The following SMAP1 variants were observed in gnomAD, a reference collection of about 807,000 sequenced individuals.
SMAP1 encodes small ArfGAP 1.
A neutral mutation model predicts 58.5 loss-of-function variants in SMAP1; 24 were observed. The ratio of observed to expected loss-of-function variants is 0.41; its 90% CI spans 0.30 to 0.58. SMAP1 has a LOEUF of 0.58. Ranked by LOEUF, SMAP1 falls within the 20% of genes least tolerant of loss-of-function variation. SMAP1 has a pLI of 0.29. For missense variants in SMAP1, 563 were observed against 566.3 expected (o/e 0.99, Z 0.06); for synonymous variants, 216 against 196.6 (o/e 1.10, Z -0.82).
At chr6:70,838,986 T>C (rs550937697) in intron 7 of SMAP1, among the ~76,000 whole-genome samples, 3 of 152,230 alleles carry the variant, frequency 2.0e-5, no homozygotes, top group Admixed American at 6.5e-5. Flanking sequence ...TCTGATACTT[T>C]CAGGACAAGG....
At chr6:70,851,459 T>G (rs1771182621) in intron 7 of SMAP1, among the ~76,000 whole-genome samples, 1 of 152,206 alleles carries the variant, frequency 6.6e-6, no homozygotes, top group South Asian at 2.1e-4. Flanking sequence ...ATGACAGATT[T>G]CCCTTTGATG....
rs1365042720 is a variant in SMAP1, at chr6:70,858,174, C to G, written c.1214C>G (p.Pro405Arg). 1 of 1,613,862 alleles carries G rather than the reference C, an allele frequency of 6.2e-7. No homozygotes were observed. Among genetic ancestry groups the G allele is most frequent in the Admixed American group, 1.7e-5 (1 of 60,002 alleles). Residue 405 changes from proline (P) to arginine (R), a missense_variant, in exon 10 of 11, where the codon CCC becomes CGC. Pro to Arg is a moderately radical substitution (Grantham distance 103). This residue lies in a region of SMAP1 where 494 missense variants were observed against 473.8 expected (regional missense o/e 1.04). Transcript: ENST00000370455. ...GGAATGGTGGGACAAATGGGTGCAC[C>G]CCAGAGTAAGTTTGGCCTGCCGCAA... The part of the protein sequence containing the change: ...QGGMVGQMGA[P>R]QSKFGLPQAQ...
intron 2 of SMAP1, among the ~76,000 whole-genome samples, chr6:70,743,725 T>C (rs1765906647): frequency 1.3e-5 from 2 of 152,214 alleles, no homozygotes; most frequent in African/African-American, 2.4e-5. Context: ...TTTAAGTTAA[T>C]TGAGATTCAG....
chr6:70,829,707 C>G (rs955408569), intron 6 of SMAP1, among the ~76,000 whole-genome samples: 1 of 152,076 alleles, frequency 6.6e-6, no homozygotes, highest in Non-Finnish European at 1.5e-5. Flanking sequence ...TTAAAGGAAA[C>G]TGATTATAAA....
At chr6:70,745,387 C>G (rs1184802638) in intron 2 of SMAP1, among the ~76,000 whole-genome samples, 2 of 152,220 alleles carry the variant, frequency 1.3e-5, no homozygotes, top group African/African-American at 4.8e-5. Flanking sequence ...CAGCTTTCTA[C>G]ATATGGCTAG....
chr6:70,706,489 G>T (rs1015355843), intron 1 of SMAP1, among the ~76,000 whole-genome samples: 3 of 152,006 alleles, frequency 2.0e-5, no homozygotes, highest in African/African-American at 7.2e-5. Context: ...CTTTTATCTG[G>T]CTGCTCTCTG....
chr6:70,743,534 A>G (rs941902295), intron 2 of SMAP1, among the ~76,000 whole-genome samples: 4 of 152,226 alleles, frequency 2.6e-5, no homozygotes, highest in Non-Finnish European at 5.9e-5. Context: ...ATAAATTTTC[A>G]TAGTGTCTTG....
chr6:70,857,060 A>T, intron 9 of SMAP1, 30 bp downstream of exon 9: 2 of 1,569,434 alleles, frequency 1.3e-6, no homozygotes, highest in Non-Finnish European at 1.7e-6. Context: ...GCTTTCAGTG[A>T]CATTACTAGA....
chr6:70,798,820 A>G (rs1423317270), intron 6 of SMAP1, 83 bp downstream of exon 6: 1 of 1,073,048 alleles, frequency 9.3e-7, no homozygotes, highest in African/African-American at 1.6e-5. Context: ...CTGGATATTT[A>G]TAATATGTAA....
intron 2 of SMAP1, among the ~76,000 whole-genome samples, chr6:70,736,455 G>C (rs1335474104): frequency 6.6e-6 from 1 of 151,818 alleles, no homozygotes; most frequent in Non-Finnish European, 1.5e-5. Flanking sequence ...AGAATTAACT[G>C]TTGTTTTATA....
At chr6:70,745,889 C>T (rs1766011751) in intron 2 of SMAP1, among the ~76,000 whole-genome samples, 1 of 152,172 alleles carries the variant, frequency 6.6e-6, no homozygotes, top group South Asian at 2.1e-4. Context: ...AGGTCCTTCA[C>T]ATCCCTTGTA....
intron 4 of SMAP1, among the ~76,000 whole-genome samples, chr6:70,776,026 A>G (rs1253301004): frequency 6.6e-6 from 1 of 152,184 alleles, no homozygotes; most frequent in Admixed American, 6.5e-5. Context: ...ACAATCTCCT[A>G]GGATACTAAA....
At chr6:70,741,315 G>A (rs1468442004) in intron 2 of SMAP1, among the ~76,000 whole-genome samples, 1 of 152,210 alleles carries the variant, frequency 6.6e-6, no homozygotes, top group Non-Finnish European at 1.5e-5. Context: ...TGGGAATACA[G>A]GCATTGGGTA....
chr6:70,761,031 G>A (rs2149896771), intron 3 of SMAP1, among the ~76,000 whole-genome samples: 1 of 152,020 alleles, frequency 6.6e-6, no homozygotes, highest in East Asian at 1.9e-4. Context: ...TCTCCTTTGA[G>A]CTTTTCAAAG....
At chr6:70,720,905 G>C (rs1274531141) in intron 1 of SMAP1, among the ~76,000 whole-genome samples, 1 of 152,198 alleles carries the variant, frequency 6.6e-6, no homozygotes, top group Admixed American at 6.5e-5. Flanking sequence ...GAAGGTCTCT[G>C]ACATGGCCTG....
chr6:70,818,223 G>A (rs530344937), intron 6 of SMAP1, among the ~76,000 whole-genome samples: 5 of 148,764 alleles, frequency 3.4e-5, no homozygotes, highest in African/African-American at 5.0e-5. Context: ...GTGAAACCCC[G>A]TCTCTACTAA....
intron 2 of SMAP1, among the ~76,000 whole-genome samples, chr6:70,741,366 G>A (rs985292177): frequency 1.3e-5 from 2 of 152,116 alleles, no homozygotes; most frequent in Non-Finnish European, 2.9e-5. Flanking sequence ...CAAAATGAAG[G>A]AGCCACAGGC....
chr6:70,708,439 C>T (rs372781814), intron 1 of SMAP1, among the ~76,000 whole-genome samples: 5 of 152,138 alleles, frequency 3.3e-5, no homozygotes, highest in East Asian at 1.9e-4. Flanking sequence ...ACATGGGAGT[C>T]CAGATGTCTC....
At chr6:70,686,386 T>C (rs535189103) in intron 1 of SMAP1, among the ~76,000 whole-genome samples, 61 of 152,310 alleles carry the variant, frequency 4.0e-4, no homozygotes, top group African/African-American at 1.5e-3. Flanking sequence ...AAGAAAATTG[T>C]TTGGAATTTG....
Sources: allele counts gnomAD v4.1 joint callset (sites outside exome capture counted in the v4.1 genomes callset), GRCh38; gene constraint gnomAD v4.1.1; regional missense constraint gnomAD v4.1.1; transcripts MANE v1.5; gene names NCBI Gene and HGNC (gene_info 2026-07-23, HGNC 2026-07-21).